ANKS1B: variants seen among roughly 807,000 people sequenced by gnomAD.
ANKS1B encodes the protein ankyrin repeat and sterile alpha motif domain-containing protein 1B.
A neutral mutation model predicts 148.3 loss-of-function variants in ANKS1B; 36 were observed. The observed-to-expected ratio is 0.24, with a 90% CI of 0.19 to 0.32. The LOEUF is 0.32. ANKS1B is among the 10% of genes least tolerant of loss of function. ANKS1B has a pLI of 1.00. For missense variants in ANKS1B, 1,157 were observed against 1,542.6 expected (o/e 0.75, Z 4.19); for synonymous variants, 542 against 560.8 (o/e 0.97, Z 0.47).
chr12:99,482,080 G>A (rs1303822446), intron 10 of ANKS1B, among the ~76,000 whole-genome samples: 1 of 151,744 alleles, frequency 6.6e-6, no homozygotes, highest in Non-Finnish European at 1.5e-5. Context: ...TGCTTTTGGG[G>A]TCTTAGTCAT....
At chr12:99,578,186 C>G (rs2097536535) in intron 9 of ANKS1B, among the ~76,000 whole-genome samples, 1 of 151,990 alleles carries the variant, frequency 6.6e-6, no homozygotes. Flanking sequence ...GATAAAAACC[C>G]TCAACAAATT....
At chr12:99,645,366 G>A (rs968851401) in intron 9 of ANKS1B, among the ~76,000 whole-genome samples, 3 of 152,206 alleles carry the variant, frequency 2.0e-5, no homozygotes, top group South Asian at 4.2e-4. Flanking sequence ...ATAATATCTC[G>A]ATTCATTGTT....
intron 5 of ANKS1B, 67 bp from the exon 6 acceptor site, chr12:99,780,039 T>C: frequency 8.9e-7 from 1 of 1,125,498 alleles, no homozygotes. Context: ...ACTATCACTA[T>C]CTAACTGCTG....
chr12:99,344,950 A>C (rs2090458308), intron 12 of ANKS1B: 1 of 152,090 alleles, frequency 6.6e-6, no homozygotes, highest in Admixed American at 6.6e-5. Context: ...AATGGCTTGC[A>C]AAGAAGAAAA....
intron 1 of ANKS1B, among the ~76,000 whole-genome samples, chr12:99,901,747 C>T (rs2093608325): frequency 6.6e-6 from 1 of 152,150 alleles, no homozygotes; most frequent in African/African-American, 2.4e-5. Context: ...ATTACAGTGA[C>T]ATTTATTGTT....
intron 8 of ANKS1B, among the ~76,000 whole-genome samples, chr12:99,661,074 CT>C (rs1397423862): frequency 6.6e-6 from 1 of 152,078 alleles, no homozygotes; most frequent in Non-Finnish European, 1.5e-5. Context: ...CAAAGGAATT[CT>C]TAACAGAACC....
chr12:99,917,362 T>G (rs1413583629), intron 1 of ANKS1B, among the ~76,000 whole-genome samples: 1 of 152,210 alleles, frequency 6.6e-6, no homozygotes, highest in Non-Finnish European at 1.5e-5. Context: ...GGTTGCACAG[T>G]GGACATGGAA....
At chr12:99,173,711 A>G (rs1044166106) in intron 14 of ANKS1B, among the ~76,000 whole-genome samples, 3 of 152,182 alleles carry the variant, frequency 2.0e-5, no homozygotes, top group African/African-American at 7.2e-5. Context: ...TCTGTTTTCT[A>G]TACAACTCAG....
chr12:99,115,531 A>G (rs2061170341), intron 15 of ANKS1B, among the ~76,000 whole-genome samples: 1 of 152,158 alleles, frequency 6.6e-6, no homozygotes, highest in African/African-American at 2.4e-5. Flanking sequence ...TAGGCTTAGT[A>G]CCTGGGTGAC....
chr12:99,684,623 A>C (rs1394603853), intron 8 of ANKS1B, among the ~76,000 whole-genome samples: 1 of 152,146 alleles, frequency 6.6e-6, no homozygotes, highest in African/African-American at 2.4e-5. Context: ...TAGCCAGAGC[A>C]AGACTACTCC....
chr12:98,901,018 G>T lies in ANKS1B; in HGVS notation c.2779-68882C>A, dbSNP rs1449406606. 2.6e-5 allele frequency among the ~76,000 whole-genome samples: 4 copies of T among 152,010 alleles called. No homozygotes were observed. In the South Asian group the frequency reaches 6.2e-4, roughly 24 times the overall value. On this transcript the variant is annotated intron_variant, in intron 17 of 26. Transcript: ENST00000683438. Reference sequence around the variant, plus strand: ...CAGTAACTTTGCTTCCACTAATATTGCATTTATCATTTTTTTTAGTAATTA... The same window carrying T: ...CAGTAACTTTGCTTCCACTAATATTTCATTTATCATTTTTTTTAGTAATTA...
chr12:98,980,458 G>A (rs761802227), intron 17 of ANKS1B, among the ~76,000 whole-genome samples: 1 of 152,148 alleles, frequency 6.6e-6, no homozygotes, highest in African/African-American at 2.4e-5. Context: ...TGCCCGCCTC[G>A]GCCTCCCGAA....
At chr12:99,120,373 C>T (rs1253504056) in intron 15 of ANKS1B, among the ~76,000 whole-genome samples, 3 of 152,192 alleles carry the variant, frequency 2.0e-5, no homozygotes, top group Admixed American at 6.5e-5. Context: ...TAGAACTACA[C>T]ATGCCATTAT....
chr12:99,573,361 T>C lies in ANKS1B; in HGVS notation c.1273-68720A>G, dbSNP rs373818233. On this transcript the variant is annotated intron_variant, in intron 9 of 26. Transcript: ENST00000683438. ...AAATATCTAGACATACATTGACATA[T>C]GAGATGATTGATTTTTTTAAAAAAT... Among the ~76,000 whole-genome samples the C allele has an allele frequency of 5.4e-4, 82 of 152,218 alleles. 1 individual carries two copies. In the South Asian group the frequency reaches 0.014, roughly 26 times the overall value.
chr12:99,227,942 T>C (rs2086206233), intron 14 of ANKS1B, among the ~76,000 whole-genome samples: 2 of 151,968 alleles, frequency 1.3e-5, no homozygotes, highest in South Asian at 4.1e-4. Flanking sequence ...AAAAACATTG[T>C]AAAATGATGA....
intron 16 of ANKS1B, among the ~76,000 whole-genome samples, chr12:99,076,917 A>G (rs1174719696): frequency 6.6e-6 from 1 of 152,194 alleles, no homozygotes; most frequent in East Asian, 1.9e-4. Context: ...AACAGGGTTG[A>G]GTAACCACAA....
At chr12:99,488,012 TA>T (rs560255505) in intron 10 of ANKS1B, among the ~76,000 whole-genome samples, 59 of 151,984 alleles carry the variant, frequency 3.9e-4, no homozygotes, top group Non-Finnish European at 5.6e-4. Flanking sequence ...TTGTTGTATG[TA>T]AAAAAAATTA....
At chr12:99,133,689 G>A (rs1265987008) in intron 15 of ANKS1B, among the ~76,000 whole-genome samples, 2 of 152,206 alleles carry the variant, frequency 1.3e-5, no homozygotes, top group East Asian at 1.9e-4. Context: ...GAAAAGCTAA[G>A]AAGTTGTGGC....
At chr12:99,074,282 AT>A (rs2047143279) in intron 16 of ANKS1B, among the ~76,000 whole-genome samples, 1 of 151,868 alleles carries the variant, frequency 6.6e-6, no homozygotes, top group South Asian at 2.1e-4. Context: ...TAAAAGTGAT[AT>A]TTCAGCTCTG....
Sources: gnomAD v4.1 joint callset for allele counts (sites outside exome capture counted in the v4.1 genomes callset) on GRCh38, gnomAD v4.1.1 for gene constraint, MANE v1.5 for transcripts, NCBI Gene and HGNC (gene_info 2026-07-23, HGNC 2026-07-21) for gene names.